Variants in NEK10 observed in about 807,000 individuals in gnomAD.
The protein encoded by NEK10 is serine/threonine-protein kinase Nek10.
A neutral mutation model predicts 159.8 loss-of-function variants in NEK10; 122 were observed. The ratio of observed to expected loss-of-function variants is 0.76; its 90% confidence interval spans 0.66 to 0.89. The LOEUF is 0.89. NEK10 is among the 40% of genes least tolerant of loss of function. The probability of loss-of-function intolerance (pLI) is 0.00; values close to 1 mark genes in which losing one functional copy is unlikely to be tolerated. For missense variants in NEK10, 1,342 were observed against 1,323.1 expected (o/e 1.01, Z -0.22); for synonymous variants, 466 against 457.1 (o/e 1.02, Z -0.25).
intron 25 of NEK10, among the ~76,000 whole-genome samples, chr3:27,192,657 T>C (rs1029585736): frequency 7.9e-5 from 12 of 152,044 alleles, no homozygotes; most frequent in Admixed American, 6.6e-4. Context: ...TTCTAAATTC[T>C]TAGACTGCAG....
intron 7 of NEK10, among the ~76,000 whole-genome samples, chr3:27,313,636 T>C (rs1399517582): frequency 1.3e-5 from 2 of 152,150 alleles, no homozygotes; most frequent in Admixed American, 1.3e-4. Context: ...CAAATATATA[T>C]GCATATATAT....
At chr3:27,348,427 A>G (rs1020489497) in intron 3 of NEK10, among the ~76,000 whole-genome samples, 1 of 152,220 alleles carries the variant, frequency 6.6e-6, no homozygotes, top group Non-Finnish European at 1.5e-5. Flanking sequence ...TTTGGCATCG[A>G]TAGTTGCAAA....
intron 22 of NEK10, among the ~76,000 whole-genome samples, chr3:27,284,155 G>A (rs554610135): frequency 3.3e-5 from 5 of 152,256 alleles, no homozygotes; most frequent in African/African-American, 9.6e-5. Flanking sequence ...GGAGGACGAG[G>A]AGGGTGGATC....
chr3:27,362,840 G>C (rs1012162923), intron 1 of NEK10, among the ~76,000 whole-genome samples: 2 of 151,790 alleles, frequency 1.3e-5, no homozygotes, highest in African/African-American at 4.8e-5. Context: ...TTACATCAGT[G>C]CTCACCTGAA....
At position 27,108,906 on chromosome 3, in the gene NEK10, A is replaced by G. The variant is rs889568584; in HGVS notation, c.*2366T>C. On this transcript the variant is annotated 3_prime_UTR_variant, in exon 36 of 36. Transcript: ENST00000691995. ...TAGAGACATGGGAAAATATAGACTC[A>G]GTGATTGTGGTAGTTTAGGGAGAAT... 6.6e-6 allele frequency among the ~76,000 whole-genome samples: 1 copy of G among 152,260 alleles called. No individual in the cohort carries two copies. Among genetic ancestry groups the G allele is most frequent in the African/African-American group, 2.4e-5 (1 of 41,478 alleles).
chr3:27,297,852 A>G (rs997163153), intron 13 of NEK10, among the ~76,000 whole-genome samples: 1 of 152,164 alleles, frequency 6.6e-6, no homozygotes, highest in African/African-American at 2.4e-5. Context: ...TTGCACTGAG[A>G]TACTTGTGCT....
chr3:27,238,374 TGG>T (rs2149247316), intron 23 of NEK10, among the ~76,000 whole-genome samples: 1 of 152,320 alleles, frequency 6.6e-6, no homozygotes, highest in East Asian at 1.9e-4. Flanking sequence ...TTTCCATTTC[TGG>T]GTTAGTAGGA....
rs997123509 is a variant in NEK10, at chr3:27,218,768, T to C, written c.2091-16211A>G. On this transcript the variant is annotated intron_variant, in intron 23 of 35. Coordinates refer to ENST00000691995, the MANE Select transcript of NEK10 (RefSeq NM_001394966.1). The stretch of plus-strand genomic sequence containing the variant: ...AAAAAAAAAAAAAGGATCATCTTAG[T>C]AAATGCAGACAAGAGCATTTGACGA... 2.8e-5 allele frequency among the ~76,000 whole-genome samples: 4 copies of C among 145,374 alleles called. No homozygotes were observed. The East Asian group carries it at 5.9e-4, about 21-fold the overall frequency.
At chr3:27,272,400 C>T (rs753241097) in intron 22 of NEK10, among the ~76,000 whole-genome samples, 1 of 152,192 alleles carries the variant, frequency 6.6e-6, no homozygotes, top group African/African-American at 2.4e-5. Flanking sequence ...CCCTCACCAG[C>T]TCTTGTATCT....
intron 22 of NEK10, among the ~76,000 whole-genome samples, chr3:27,278,479 G>T (rs186435678): frequency 1.2e-4 from 19 of 152,282 alleles, no homozygotes; most frequent in African/African-American, 4.3e-4. Context: ...GATAACATTT[G>T]AAGAGCCTTG....
intron 23 of NEK10, among the ~76,000 whole-genome samples, chr3:27,250,550 CT>C (rs1355742735): frequency 2.6e-5 from 4 of 152,094 alleles, no homozygotes; most frequent in Non-Finnish European, 5.9e-5. Context: ...CATTAATGCC[CT>C]TTCATTTCTG....
At chr3:27,174,338 C>G in intron 28 of NEK10, 101 bp downstream of exon 28, 1 of 1,575,422 alleles carries the variant, frequency 6.3e-7, no homozygotes, top group Non-Finnish European at 8.6e-7. Context: ...AAACAAACCA[C>G]TGGGTTATGT....
At chr3:27,346,769 A>C (rs1328519408) in intron 3 of NEK10, among the ~76,000 whole-genome samples, 3 of 152,230 alleles carry the variant, frequency 2.0e-5, no homozygotes, top group Non-Finnish European at 2.9e-5. Flanking sequence ...GGGATATAAC[A>C]ATAAAGAAGA....
chr3:27,227,799 G>A (rs942740433), intron 23 of NEK10, among the ~76,000 whole-genome samples: 3 of 152,226 alleles, frequency 2.0e-5, no homozygotes, highest in South Asian at 4.1e-4. Context: ...TACATAAACA[G>A]TAGAAGGTCC....
At chr3:27,146,754 C>A (rs949636714) in intron 30 of NEK10, among the ~76,000 whole-genome samples, 28 of 152,026 alleles carry the variant, frequency 1.8e-4, no homozygotes, top group African/African-American at 6.3e-4. Context: ...TTTGAGAAGA[C>A]CAGGAAGAAT....
At chr3:27,285,031 G>C (rs997411626) in intron 20 of NEK10, 70 bp from the exon 21 acceptor site, 1 of 1,211,912 alleles carries the variant, frequency 8.3e-7, no homozygotes, top group African/African-American at 1.5e-5. Flanking sequence ...CTTTACGAAT[G>C]AGAGTTCAAG....
At chr3:27,291,412 A>C in intron 17 of NEK10, 22 bp from the exon 18 acceptor site, 2 of 1,609,760 alleles carry the variant, frequency 1.2e-6, no homozygotes, top group Non-Finnish European at 1.7e-6. Context: ...ATAAAAAGGA[A>C]ATGGGTTTCT....
intron 23 of NEK10, among the ~76,000 whole-genome samples, chr3:27,218,787 T>C (rs899294050): frequency 1.3e-5 from 2 of 148,480 alleles, no homozygotes; most frequent in African/African-American, 4.9e-5. Context: ...ACAAGAGCAT[T>C]TGACGAAGTC....
chr3:27,198,331 C>CAAAA (rs59823084), intron 25 of NEK10, among the ~76,000 whole-genome samples: 7 of 102,060 alleles, frequency 6.9e-5, no homozygotes, highest in Non-Finnish European at 4.4e-5. Context: ...CAATCCTAAG[C>CAAAA]AAAAAAAAAA....
Sources: allele counts gnomAD v4.1 joint callset (sites outside exome capture counted in the v4.1 genomes callset), GRCh38; gene constraint gnomAD v4.1.1; transcripts MANE v1.5; gene names NCBI Gene and HGNC (gene_info 2026-07-23, HGNC 2026-07-21).